The following PLXNA1 variants were observed in gnomAD, a reference collection of about 807,000 sequenced individuals.
PLXNA1 encodes the protein plexin A1.
In PLXNA1, 77 loss-of-function variants were observed where a neutral mutation model predicts 191.7. The observed-to-expected ratio is 0.40, with a 90% CI of 0.33 to 0.49. The LOEUF is 0.49. PLXNA1 is among the 20% of genes least tolerant of loss of function. The pLI is 0.63. For synonymous variants in PLXNA1, 1,137 were observed against 1,156.4 expected (o/e 0.98, Z 0.34); for missense variants, 2,110 against 2,660.2 (o/e 0.79, Z 4.55).
rs755930621 is a variant in PLXNA1, at chr3:127,027,969, G to A, written c.4392G>A (p.Leu1464=). 5.6e-6 allele frequency: 9 copies of A among 1,613,704 alleles called. No individual in the cohort carries two copies. The Admixed American group carries it at 1.2e-4, about 21-fold the overall frequency. ...GCGCTGGGGAGCCGCTGTTCATGCT[G>A]TACTGCGCCATCAAGCAGCAGATGG... The part of the protein sequence containing the change: ...KECAGEPLFM[L]YCAIKQQMEK... The change falls in exon 24 of 32, where the codon CTG becomes CTA. Residue 1464 remains leucine, a synonymous_variant. Transcript: ENST00000393409.
chr3:127,000,645 C>T (rs745750765), intron 3 of PLXNA1, among the ~76,000 whole-genome samples: 93 of 152,332 alleles, frequency 6.1e-4, no homozygotes, highest in Non-Finnish European at 1.2e-3. Context: ...TGAGTCTCAG[C>T]TTACCTCCTG....
chr3:126,989,644 C>T lies in PLXNA1; in HGVS notation c.1051C>T (p.Pro351Ser). Residue 351 changes from proline to serine, a missense_variant, in exon 2 of 32, where the codon CCA (proline) becomes TCA (serine). Pro to Ser is a moderately conservative substitution (Grantham distance 74, BLOSUM62 -1). Transcript: ENST00000393409. Reference protein sequence around the residue: ...FAQGQKNRVKPPKESALCLFT... With the variant: ...FAQGQKNRVKSPKESALCLFT... Reference sequence around the variant, plus strand: ...CCAGGGCCAGAAGAACCGCGTGAAGCCACCAAAGGAGTCAGCACTGTGCCT... The same window carrying T: ...CCAGGGCCAGAAGAACCGCGTGAAGTCACCAAAGGAGTCAGCACTGTGCCT... 6.2e-7 allele frequency: 1 copy of T among 1,613,092 alleles called. No homozygotes were observed. Among genetic ancestry groups the T allele is most frequent in the Non-Finnish European group, 8.5e-7 (1 of 1,179,958 alleles).
chr3:127,005,244 G>T lies in PLXNA1; in HGVS notation c.1897+1G>T. On this transcript the variant is annotated splice_donor_variant, in intron 7 of 31. Transcript: ENST00000393409. LOFTEE classifies it high-confidence loss of function. ...GTGGCGCCCATCACGCGGGGCCAGG[G>T]TGAGTGGCCCCAACACAATGGTGCC... The T allele has an allele frequency of 6.2e-7, 1 of 1,602,712 alleles. No homozygotes were observed. Among genetic ancestry groups the T allele is most frequent in the Non-Finnish European group, 8.5e-7 (1 of 1,175,546 alleles).
intron 23 of PLXNA1, chr3:127,027,688 G>A (rs1292565681): frequency 1.2e-5 from 8 of 649,460 alleles, no homozygotes; most frequent in African/African-American, 3.6e-5. Flanking sequence ...ACACTACTGC[G>A]CCTCCTGGCT....
chr3:127,013,510 T>TGGGCC (rs1325776948), intron 10 of PLXNA1, among the ~76,000 whole-genome samples: 4 of 152,156 alleles, frequency 2.6e-5, no homozygotes, highest in Non-Finnish European at 4.4e-5. Context: ...GCAGTTCCCC[T>TGGGCC]GGGCCCAGCC....
intron 17 of PLXNA1, 44 bp from the exon 18 acceptor site, chr3:127,017,381 C>T: frequency 6.3e-7 from 1 of 1,592,088 alleles, no homozygotes; most frequent in Non-Finnish European, 8.6e-7. Context: ...GCTGCCGGGC[C>T]ACTCGCGGAG....
rs1282666962 is a variant in PLXNA1, at chr3:127,015,932, G to T, written c.3015-585G>T. On this transcript the variant is annotated intron_variant, in intron 15 of 31. Coordinates refer to ENST00000393409, the MANE Select transcript of PLXNA1 (RefSeq NM_032242.4). ...ACAGCCCCCTGGGATGCGGGGATAG[G>T]GCGAGGTATTCCCACTGGGACAGGT... Among the ~76,000 whole-genome samples the T allele has an allele frequency of 2.6e-5, 4 of 152,288 alleles. No individual in the cohort carries two copies. In the East Asian group the frequency reaches 5.8e-4, roughly 22 times the overall value.
Position 126,989,322 on chromosome 3 carries a change from C to T in PLXNA1, c.729C>T (p.Asp243=). Residue 243 remains aspartate (D), a synonymous_variant, in exon 2 of 32, where the codon GAC becomes GAT. Coordinates refer to ENST00000393409, the MANE Select transcript of PLXNA1 (RefSeq NM_032242.4). Reference sequence around the variant, plus strand: ...CGCTGTCCAAGTTCCCGGCCTTTGACATCTACTATGTGTACAGCTTCCGCA... The same window carrying T: ...CGCTGTCCAAGTTCCCGGCCTTTGATATCTACTATGTGTACAGCTTCCGCA... ...SDTLSKFPAF[D]IYYVYSFRSE... 1.2e-6 allele frequency: 2 copies of T among 1,613,688 alleles called. No homozygotes were observed. Among genetic ancestry groups the T allele is most frequent in the Non-Finnish European group, 1.7e-6 (2 of 1,180,054 alleles).
chr3:126,983,423 A>AG (rs1056709795), intron 1 of PLXNA1, among the ~76,000 whole-genome samples, 136 bp downstream of exon 1: 7 of 145,128 alleles, frequency 4.8e-5, no homozygotes, highest in African/African-American at 1.7e-4. Context: ...GGCGGCAGGC[A>AG]GGGGGTGTGC....
Position 127,005,120 on chromosome 3 carries a change from C to G in PLXNA1, c.1774C>G (p.Leu592Val), listed in dbSNP as rs201695917. The change falls in exon 7 of 32, where the codon CTC becomes GTC. Residue 592 changes from leucine (L) to valine (V), a missense_variant. Leu to Val is a conservative substitution (Grantham distance 32). Coordinates refer to ENST00000393409, the MANE Select transcript of PLXNA1 (RefSeq NM_032242.4). ...GCTGCAGGCCTGGAACGTGCCTGAC[C>G]TCTCAGCTGGCGTCAACTGCTCCTT... ...LVLQAWNVPD[L>V]SAGVNCSFED... is the part of the protein sequence containing the mutation. The G allele has an allele frequency of 2.5e-6, 4 of 1,612,770 alleles. No homozygotes were observed. Among genetic ancestry groups the G allele is most frequent in the South Asian group, 2.2e-5 (2 of 91,080 alleles).
At chr3:127,008,098 C>A (rs1204998507) in intron 9 of PLXNA1, among the ~76,000 whole-genome samples, 185 bp downstream of exon 9, 1 of 152,168 alleles carries the variant, frequency 6.6e-6, no homozygotes, top group Non-Finnish European at 1.5e-5. Context: ...AGCTGGGAGG[C>A]CTGTGGGGTC....
At chr3:126,997,802 G>T (rs1439600367) in intron 3 of PLXNA1, among the ~76,000 whole-genome samples, 1 of 152,234 alleles carries the variant, frequency 6.6e-6, no homozygotes, top group East Asian at 1.9e-4. Context: ...CACCCATGGG[G>T]CACTCACGGA....
At chr3:127,005,951 G>A (rs2079066679) in intron 7 of PLXNA1, 128 bp from the exon 8 acceptor site, 2 of 741,878 alleles carry the variant, frequency 2.7e-6, no homozygotes, top group Non-Finnish European at 4.9e-6. Flanking sequence ...GGGGCTGGAT[G>A]CGTGTTTGAT....
At position 127,032,449 on chromosome 3, in the gene PLXNA1, A is replaced by G; in HGVS notation, c.5294A>G (p.Lys1765Arg). 1.9e-6 allele frequency: 3 copies of G among 1,614,024 alleles called. No individual in the cohort carries two copies. Among genetic ancestry groups the G allele is most frequent in the Non-Finnish European group, 2.5e-6 (3 of 1,180,014 alleles). The change falls in exon 30 of 32, where the codon AAG becomes AGG. Residue 1765 changes from lysine (K) to arginine (R), a missense_variant. Lys to Arg is a conservative substitution (Grantham distance 26). Around this residue, in one of 4 missense-constraint regions of PLXNA1, gnomAD observed 559 missense variants for 911.5 expected, o/e 0.61. Coordinates refer to ENST00000393409, the MANE Select transcript of PLXNA1 (RefSeq NM_032242.4). ...CCACAGTTTGTGTTCGACATTCACA[A>G]GAACAGCATCACGGACGCCTGCTTG... The part of the protein sequence containing the change: ...KNPQFVFDIH[K>R]NSITDACLSV...
chr3:127,022,566 G>A (rs1180155606), intron 22 of PLXNA1, among the ~76,000 whole-genome samples, 186 bp from the exon 23 acceptor site: 1 of 152,116 alleles, frequency 6.6e-6, no homozygotes, highest in Non-Finnish European at 1.5e-5. Context: ...GCGAAGGACT[G>A]GGGTCTCCAT....
Position 127,005,189 on chromosome 3 carries a change from A to G in PLXNA1, c.1843A>G (p.Ile615Val), listed in dbSNP as rs376751815. The G allele has an allele frequency of 6.2e-7, 1 of 1,612,112 alleles. No homozygotes were observed. The highest frequency in any genetic ancestry group is 8.5e-7 in the Non-Finnish European group (1 of 1,179,784). The part of the protein sequence containing the change: ...ESESVLEDGR[I>V]HCRSPSAREV... Reference sequence around the variant, plus strand: ...TGAGAGCGTCCTGGAGGATGGCCGGATCCACTGCCGCTCACCCTCCGCCCG... The same window carrying G: ...TGAGAGCGTCCTGGAGGATGGCCGGGTCCACTGCCGCTCACCCTCCGCCCG... The change falls in exon 7 of 32, where the codon ATC becomes GTC. Residue 615 changes from isoleucine to valine, a missense_variant. Ile to Val is a conservative substitution (Grantham distance 29, BLOSUM62 3). Transcript: ENST00000393409.
At chr3:127,021,645 C>G (rs1011888163) in intron 21 of PLXNA1, among the ~76,000 whole-genome samples, 3 of 152,190 alleles carry the variant, frequency 2.0e-5, no homozygotes, top group Non-Finnish European at 4.4e-5. Context: ...TCCTGGTACC[C>G]AGTGGATGGG....
In PLXNA1 at chr3:127,018,414, G is replaced by A. The variant is rs777913150; in HGVS notation, c.3781G>A (p.Val1261Met). 4 of 1,613,072 alleles carry A rather than the reference G, an allele frequency of 2.5e-6. No homozygotes were observed. Among genetic ancestry groups the A allele is most frequent in the East Asian group, 2.2e-5 (1 of 44,886 alleles). ...CGGGGGTCTCCTGCTGCTGGTCATC[G>A]TGGCTGTGCTCATCGCCTACAAGCG... ...GGGGLLLLVI[V>M]AVLIAYKRKS... The change falls in exon 20 of 32, where the codon GTG becomes ATG. Residue 1261 changes from valine (V) to methionine (M), a missense_variant. This residue lies in a region of PLXNA1 where 559 missense variants were observed against 911.5 expected (regional missense o/e 0.61). Coordinates refer to ENST00000393409, the MANE Select transcript of PLXNA1 (RefSeq NM_032242.4).
intron 3 of PLXNA1, among the ~76,000 whole-genome samples, chr3:126,992,091 C>T (rs970265847): frequency 6.6e-6 from 1 of 152,172 alleles, no homozygotes; most frequent in Admixed American, 6.5e-5. Context: ...AGCTCCAGCA[C>T]ACAGCCCTGG....
Sources: gnomAD v4.1 joint callset for allele counts (sites outside exome capture counted in the v4.1 genomes callset) on GRCh38, gnomAD v4.1.1 for gene constraint, gnomAD v4.1.1 regional missense constraint, MANE v1.5 for transcripts, NCBI Gene and HGNC (gene_info 2026-07-23, HGNC 2026-07-21) for gene names.